Variants in SLC36A4 observed in about 807,000 individuals in gnomAD.
SLC36A4 encodes the protein solute carrier family 36 member 4.
A neutral mutation model predicts 50.5 loss-of-function variants in SLC36A4; 49 were observed. That is an observed-to-expected ratio of 0.97 (90% CI 0.77 to 1.23). The LOEUF (loss-of-function observed/expected upper bound fraction) is 1.23, where lower values mean the gene tolerates loss of function less well. Ranked by LOEUF, SLC36A4 falls within the 50% of genes most tolerant of loss-of-function variation. The pLI, the probability that SLC36A4 is intolerant of heterozygous loss-of-function variation, is 0.00. For synonymous variants in SLC36A4, 207 were observed against 206.5 expected, an observed-to-expected ratio of 1.00 and a Z score of -0.02; for missense variants, 611 against 608.4, an observed-to-expected ratio of 1.00 and a Z score of -0.05.
chr11:93,188,790 C>T lies in SLC36A4; in HGVS notation c.56-2976G>A, dbSNP rs182004936. On this transcript the variant is annotated intron_variant, in intron 1 of 10. Coordinates refer to ENST00000326402, the MANE Select transcript of SLC36A4 (RefSeq NM_152313.4). ...TCTTGTAAACCTATCACATTGGTTT[C>T]CTAGGGCTCTCATAATCAAGTACTA... Among the ~76,000 whole-genome samples the T allele has an allele frequency of 2.7e-3, 416 of 152,240 alleles. 2 individuals are homozygous for T. Among genetic ancestry groups the T allele is most frequent in the Middle Eastern group, 0.017 (5 of 294 alleles).
In SLC36A4 at chr11:93,167,714, G is replaced by A. The variant is rs77521365; in HGVS notation, c.768+230C>T. ...AAGCACTGTCACAAAGCCCAGAGGC[G>A]TTATTTACCAAGATTCAAGATCTGA... On this transcript the variant is annotated intron_variant, in intron 7 of 10. Transcript: ENST00000326402. 1.7e-3 allele frequency among the ~76,000 whole-genome samples: 259 copies of A among 152,202 alleles called. 9 individuals carry two copies. The East Asian group carries it at 0.031, about 18-fold the overall frequency.
At position 93,197,923 on chromosome 11, in the gene SLC36A4, C is replaced by T; in HGVS notation, c.-91G>A. 1 of 1,290,938 alleles carries T rather than the reference C, an allele frequency of 7.7e-7. No individual in the cohort carries two copies. The highest frequency in any genetic ancestry group is 1.6e-5 in the South Asian group (1 of 61,402). 80.0% of individuals were successfully genotyped at this position (1,290,938 alleles called of 1,614,324 possible). On this transcript the variant is annotated 5_prime_UTR_variant, in exon 1 of 11. Coordinates refer to ENST00000326402, the MANE Select transcript of SLC36A4 (RefSeq NM_152313.4). ...CAGGCCCAGGCCTACCTCCCCTGCC[C>T]GGAGGGACCCGCGCCTGGTGCCCGC...
intron 6 of SLC36A4, chr11:93,171,118 C>G (rs1220706286): frequency 1.3e-5 from 2 of 151,150 alleles, no homozygotes; most frequent in African/African-American, 4.9e-5. Context: ...TCAAGCCTGA[C>G]TGCCTTTTTT....
At chr11:93,185,665 G>A (rs768154953) in intron 2 of SLC36A4, 26 bp downstream of exon 2, 115 of 1,536,424 alleles carry the variant, frequency 7.5e-5, no homozygotes, top group Non-Finnish European at 5.7e-5. Context: ...TAAAAGAAAA[G>A]GAGACTTATA....
chr11:93,166,572 A>G (rs1392845041), intron 7 of SLC36A4: 2 of 199,910 alleles, frequency 1.0e-5, no homozygotes, highest in Non-Finnish European at 1.8e-5. Context: ...ATTTGAATAT[A>G]TATGTCCTGA....
intron 1 of SLC36A4, among the ~76,000 whole-genome samples, chr11:93,190,076 G>A (rs1015635875): frequency 1.3e-5 from 2 of 152,144 alleles, no homozygotes; most frequent in African/African-American, 4.8e-5. Context: ...TTGTTCAACA[G>A]TGTGATCCCT....
At chr11:93,156,105 C>A (rs2134635425) in intron 9 of SLC36A4, among the ~76,000 whole-genome samples, 1 of 152,314 alleles carries the variant, frequency 6.6e-6, no homozygotes, top group African/African-American at 2.4e-5. Flanking sequence ...AATGGGACTA[C>A]TGGATCAAAT....
chr11:93,159,650 T>A (rs1302422664), intron 9 of SLC36A4: 1 of 219,016 alleles, frequency 4.6e-6, no homozygotes, highest in African/African-American at 2.3e-5. Flanking sequence ...TATCACTAGA[T>A]TGAATGCCTT....
At chr11:93,193,922 G>A (rs775967211) in intron 1 of SLC36A4, among the ~76,000 whole-genome samples, 4 of 152,078 alleles carry the variant, frequency 2.6e-5, no homozygotes, top group Admixed American at 6.5e-5. Context: ...TGAAAATTGC[G>A]AAACAACCTA....
chr11:93,195,891 C>T (rs931599598), intron 1 of SLC36A4, among the ~76,000 whole-genome samples: 1 of 152,176 alleles, frequency 6.6e-6, no homozygotes, highest in African/African-American at 2.4e-5. Context: ...GCCTAGCCCC[C>T]ACCCTCATTC....
chr11:93,180,913 G>C, intron 5 of SLC36A4, 32 bp from the exon 6 acceptor site: 1 of 1,363,910 alleles, frequency 7.3e-7, no homozygotes, highest in Middle Eastern at 1.8e-4. Context: ...TGAGTATCCA[G>C]GAGAGCTACT....
intron 6 of SLC36A4, among the ~76,000 whole-genome samples, chr11:93,174,079 G>A (rs1333841597): frequency 2.6e-5 from 4 of 151,038 alleles, no homozygotes; most frequent in African/African-American, 9.8e-5. Flanking sequence ...CTACCCATGA[G>A]CATGGAATGT....
chr11:93,186,745 T>A (rs369329546), intron 1 of SLC36A4, among the ~76,000 whole-genome samples: 1 of 152,196 alleles, frequency 6.6e-6, no homozygotes, highest in South Asian at 2.1e-4. Context: ...CTACAATCAA[T>A]ATCAATATCC....
At chr11:93,187,360 T>C (rs1413599043) in intron 1 of SLC36A4, among the ~76,000 whole-genome samples, 1 of 152,186 alleles carries the variant, frequency 6.6e-6, no homozygotes, top group African/African-American at 2.4e-5. Flanking sequence ...TATGTTGATT[T>C]AGGTTTTTTC....
At chr11:93,159,209 T>C (rs1283169775) in intron 9 of SLC36A4, among the ~76,000 whole-genome samples, 1 of 152,134 alleles carries the variant, frequency 6.6e-6, no homozygotes, top group African/African-American at 2.4e-5. Flanking sequence ...AGGACAGAAA[T>C]GTATTTTTAA....
rs770372713 is a variant in SLC36A4 at position 93,168,030 on chromosome 11, C to A, written c.682G>T (p.Glu228Ter). ...PFIILLVFIRELKNLFVLSFL... is the reference protein window; with the variant it reads ...PFIILLVFIR ...GAAAGTACAAATAGATTCTTTAGTT[C>A]ACGAATGAAGACCAAAAGAATTATA... Residue 228 changes from glutamate (E) to a stop codon, truncating the protein, a stop_gained, in exon 7 of 11, where the codon GAA (glutamate) becomes TAA (stop). Coordinates refer to ENST00000326402, the MANE Select transcript of SLC36A4 (RefSeq NM_152313.4). LOFTEE classifies it high-confidence loss of function. 2 of 1,612,500 alleles carry A rather than the reference C, an allele frequency of 1.2e-6. No homozygotes were observed. Among genetic ancestry groups the A allele is most frequent in the African/African-American group, 1.3e-5 (1 of 74,924 alleles).
intron 1 of SLC36A4, among the ~76,000 whole-genome samples, chr11:93,196,709 T>C (rs1394486036): frequency 6.6e-6 from 1 of 152,210 alleles, no homozygotes; most frequent in Admixed American, 6.5e-5. Flanking sequence ...ATCCCTTTCC[T>C]GCCAGCAATG....
chr11:93,183,029 GAAA>G, intron 3 of SLC36A4, 135 bp from the exon 4 acceptor site: 2 of 598,294 alleles, frequency 3.3e-6, no homozygotes, highest in Non-Finnish European at 5.9e-6. Flanking sequence ...TTGCATAAGG[GAAA>G]ACTAATAAAC....
chr11:93,148,455 G>T lies in SLC36A4; in HGVS notation c.*82C>A. Reference sequence around the variant, plus strand: ...AAACAGAGTTTGTTACCATTTTTATGTATATAGCAATGTATTTTACTAGTT... The same window carrying T: ...AAACAGAGTTTGTTACCATTTTTATTTATATAGCAATGTATTTTACTAGTT... On this transcript the variant is annotated 3_prime_UTR_variant, in exon 11 of 11. Transcript: ENST00000326402. 8.6e-7 allele frequency: 1 copy of T among 1,165,064 alleles called. No homozygotes were observed. The highest frequency in any genetic ancestry group is 1.2e-6 in the Non-Finnish European group (1 of 801,198). The allele number at this position is 1,165,064 out of a possible 1,614,324, so 72.2% of individuals were successfully genotyped here.
Sources: allele counts gnomAD v4.1 joint callset (sites outside exome capture counted in the v4.1 genomes callset), GRCh38; gene constraint gnomAD v4.1.1; transcripts MANE v1.5; gene names NCBI Gene and HGNC (gene_info 2026-07-23, HGNC 2026-07-21).